Variants in NUMB observed in about 807,000 individuals in gnomAD.
The protein encoded by NUMB is NUMB endocytic adaptor protein, also known as protein numb homolog.
NUMB carries 29 observed loss-of-function variants against 59.7 expected under a neutral mutation model. The observed-to-expected ratio is 0.49, with a 90% CI of 0.36 to 0.66. The LOEUF (loss-of-function observed/expected upper bound fraction) is 0.66, where lower values mean the gene tolerates loss of function less well. Ranked by LOEUF, NUMB falls within the 30% of genes least tolerant of loss-of-function variation. NUMB has a pLI of 0.00. For missense variants in NUMB, 723 were observed against 822.0 expected (o/e 0.88, Z 1.47); for synonymous variants, 288 against 288.2 (o/e 1.00, Z 0.01).
chr14:73,403,448 C>G (rs907566340), intron 2 of NUMB, among the ~76,000 whole-genome samples: 3 of 152,178 alleles, frequency 2.0e-5, no homozygotes, highest in African/African-American at 4.8e-5. Context: ...CTAAATTAGT[C>G]TGACAAAATT....
At chr14:73,353,330 G>A (rs1893567094) in intron 4 of NUMB, among the ~76,000 whole-genome samples, 3 of 149,750 alleles carry the variant, frequency 2.0e-5, no homozygotes, top group Middle Eastern at 3.4e-3. Context: ...CAGGTGATCC[G>A]CCCGCCTCGG....
chr14:73,420,258 C>A (rs750482697), intron 1 of NUMB, among the ~76,000 whole-genome samples: 12 of 152,220 alleles, frequency 7.9e-5, no homozygotes, highest in African/African-American at 2.4e-4. Flanking sequence ...ACGTTGTCGT[C>A]TGACACAATC....
At chr14:73,371,879 G>T (rs764444768) in intron 2 of NUMB, among the ~76,000 whole-genome samples, 38 of 151,956 alleles carry the variant, frequency 2.5e-4, no homozygotes, top group Admixed American at 2.0e-4. Flanking sequence ...ATAAAATTCT[G>T]GTTTTTATAA....
intron 2 of NUMB, among the ~76,000 whole-genome samples, chr14:73,391,770 A>C (rs1231026377): frequency 6.6e-6 from 1 of 152,228 alleles, no homozygotes. Context: ...TGATACCAAC[A>C]GGTAGAGGTG....
chr14:73,303,117 G>A lies in NUMB; in HGVS notation c.235-5832C>T, dbSNP rs147007772. Among the ~76,000 whole-genome samples the A allele has an allele frequency of 3.2e-3, 483 of 152,094 alleles. 2 individuals are homozygous for A. Among genetic ancestry groups the A allele is most frequent in the Non-Finnish European group, 6.1e-3 (414 of 67,974 alleles). On this transcript the variant is annotated intron_variant, in intron 6 of 12. Coordinates refer to ENST00000555238, the MANE Select transcript of NUMB (RefSeq NM_001005743.2). The stretch of plus-strand genomic sequence containing the variant: ...CCTGTAATCCCAGCTACTTGGGAGG[G>A]TGAGACAGGAGACTCCCTTGAACCC...
At chr14:73,415,042 C>CAA (rs1234232784) in intron 1 of NUMB, among the ~76,000 whole-genome samples, 9 of 152,106 alleles carry the variant, frequency 5.9e-5, no homozygotes, top group South Asian at 2.1e-4. Context: ...AAAATACACA[C>CAA]AAAACACAGA....
At chr14:73,389,579 C>T (rs1313647815) in intron 2 of NUMB, among the ~76,000 whole-genome samples, 1 of 152,094 alleles carries the variant, frequency 6.6e-6, no homozygotes, top group African/African-American at 2.4e-5. Flanking sequence ...GCCTCGGCCT[C>T]CCAAAGCACT....
chr14:73,362,025 G>A (rs1274688697), intron 3 of NUMB, among the ~76,000 whole-genome samples: 1 of 152,166 alleles, frequency 6.6e-6, no homozygotes, highest in Non-Finnish European at 1.5e-5. Flanking sequence ...GGGAAGCCGA[G>A]GTGGGTGGAT....
intron 11 of NUMB, 35 bp from the exon 12 acceptor site, chr14:73,279,459 T>C: frequency 6.5e-7 from 1 of 1,547,662 alleles, no homozygotes; most frequent in Non-Finnish European, 8.7e-7. Flanking sequence ...ATGGAGTTAA[T>C]TCATGCAGGG....
At chr14:73,352,131 T>A (rs983106301) in intron 4 of NUMB, among the ~76,000 whole-genome samples, 2 of 152,002 alleles carry the variant, frequency 1.3e-5, no homozygotes, top group Non-Finnish European at 2.9e-5. Flanking sequence ...TACAAAGCCC[T>A]GCCCTGCTTT....
chr14:73,400,184 A>G (rs945114287), intron 2 of NUMB, among the ~76,000 whole-genome samples: 28 of 152,368 alleles, frequency 1.8e-4, no homozygotes, highest in Middle Eastern at 3.4e-3. Context: ...AAGGCTACAT[A>G]TACCATATGA....
chr14:73,426,352 A>G (rs1210564393), intron 1 of NUMB, among the ~76,000 whole-genome samples: 1 of 152,202 alleles, frequency 6.6e-6, no homozygotes, highest in East Asian at 1.9e-4. Context: ...CCTGGTTCAG[A>G]AGCAGGCAGT....
intron 1 of NUMB, among the ~76,000 whole-genome samples, chr14:73,456,102 CA>C (rs1387495343): frequency 6.7e-6 from 1 of 149,544 alleles, no homozygotes; most frequent in Non-Finnish European, 1.5e-5. Flanking sequence ...ATAATACTCC[CA>C]AAAAAACCTT....
At chr14:73,352,518 A>T (rs1422285990) in intron 4 of NUMB, among the ~76,000 whole-genome samples, 1 of 12,990 alleles carries the variant, frequency 7.7e-5, no homozygotes, top group Non-Finnish European at 1.3e-4. Context: ...ATATATATAT[A>T]TATATATATA....
At chr14:73,367,774 CA>C (rs11463575) in intron 2 of NUMB, among the ~76,000 whole-genome samples, 95 of 111,830 alleles carry the variant, frequency 8.5e-4, no homozygotes, top group Middle Eastern at 4.7e-3. Flanking sequence ...GACCCTGTTT[CA>C]AAAAAAAAAA....
rs569348946 is a variant in NUMB, at chr14:73,349,662, G to A, written c.126+5964C>T. Among the ~76,000 whole-genome samples the A allele has an allele frequency of 2.4e-3, 368 of 151,610 alleles. 2 individuals carry two copies. The highest frequency in any genetic ancestry group is 8.3e-3 in the African/African-American group (345 of 41,334). ...TGGGAGGCCGAGACGGGTGGATCAC[G>A]AGGCCAGGAGATCAAGACCATCCTG... is the stretch of plus-strand genomic sequence containing the variant. On this transcript the variant is annotated intron_variant, in intron 4 of 12. Coordinates refer to ENST00000555238, the MANE Select transcript of NUMB (RefSeq NM_001005743.2).
At chr14:73,293,056 G>T (rs1485242147) in intron 7 of NUMB, among the ~76,000 whole-genome samples, 182 bp from the exon 8 acceptor site, 1 of 152,150 alleles carries the variant, frequency 6.6e-6, no homozygotes, top group Non-Finnish European at 1.5e-5. Context: ...ATCCCAAGAG[G>T]CACTTTGCCC....
At chr14:73,335,569 C>G (rs1412718480) in intron 4 of NUMB, among the ~76,000 whole-genome samples, 1 of 152,138 alleles carries the variant, frequency 6.6e-6, no homozygotes, top group Non-Finnish European at 1.5e-5. Context: ...TTTCCAAACT[C>G]CTTCTGAGTA....
At chr14:73,362,105 A>G (rs890554130) in intron 3 of NUMB, among the ~76,000 whole-genome samples, 1 of 151,948 alleles carries the variant, frequency 6.6e-6, no homozygotes, top group Non-Finnish European at 1.5e-5. Context: ...AAAAATACAA[A>G]AACTAGCCAG....
Sources: allele counts gnomAD v4.1 joint callset (sites outside exome capture counted in the v4.1 genomes callset), GRCh38; gene constraint gnomAD v4.1.1; transcripts MANE v1.5; gene names NCBI Gene and HGNC (gene_info 2026-07-23, HGNC 2026-07-21).